Variants in SPATA12 observed in about 807,000 individuals in gnomAD.
The protein encoded by SPATA12 is spermatogenesis-associated protein 12.
For synonymous variants in SPATA12, 85 were observed against 89.2 expected (o/e 0.95, Z 0.26); for missense variants, 219 against 226.4 (o/e 0.97, Z 0.21).
At chr3:57,065,824 G>GCC (rs1560173684) in intron 1 of SPATA12, among the ~76,000 whole-genome samples, 1 of 152,072 alleles carries the variant, frequency 6.6e-6, no homozygotes, top group Non-Finnish European at 1.5e-5. Flanking sequence ...AGCACACACA[G>GCC]CCCCCTACAG....
At chr3:57,070,844 C>T (rs1705847673) in intron 1 of SPATA12, among the ~76,000 whole-genome samples, 1 of 151,710 alleles carries the variant, frequency 6.6e-6, no homozygotes, top group African/African-American at 2.4e-5. Flanking sequence ...TGGTTGCACA[C>T]ATCTGTAGTC....
At chr3:57,063,201 G>A (rs1056732055) in intron 1 of SPATA12, among the ~76,000 whole-genome samples, 2 of 152,208 alleles carry the variant, frequency 1.3e-5, no homozygotes, top group African/African-American at 4.8e-5. Context: ...TGGAGGTGAT[G>A]TGGCTAGAGT....
At chr3:57,067,989 C>CA (rs113906945) in intron 1 of SPATA12, among the ~76,000 whole-genome samples, 5,912 of 151,102 alleles carry the variant, frequency 0.039, 380 homozygotes, top group African/African-American at 0.14. Flanking sequence ...GACTCCGTCT[C>CA]AAAAAAAACA....
At chr3:57,065,838 G>A (rs901672037) in intron 1 of SPATA12, among the ~76,000 whole-genome samples, 1 of 152,112 alleles carries the variant, frequency 6.6e-6, no homozygotes, top group Non-Finnish European at 1.5e-5. Flanking sequence ...CCTACAGCTA[G>A]ATCTACGGAG....
chr3:57,074,515 C>A lies in SPATA12; in HGVS notation c.*248C>A. 1.9e-6 allele frequency: 1 copy of A among 521,786 alleles called. No homozygotes were observed. The highest frequency in any genetic ancestry group is 3.5e-6 in the Non-Finnish European group (1 of 285,722). 32.3% of individuals were successfully genotyped at this position (521,786 alleles called of 1,614,324 possible). ...AAGGTCACACAATCCAGATCTCATA[C>A]TCTTAGCCCCCGGGGAACCTTCACT... On this transcript the variant is annotated 3_prime_UTR_variant, in exon 2 of 2. Coordinates refer to ENST00000334325, the MANE Select transcript of SPATA12 (RefSeq NM_181727.2).
At position 57,074,854 on chromosome 3, in the gene SPATA12, T is replaced by C. The variant is rs1706137375; in HGVS notation, c.*587T>C. The C allele has an allele frequency of 5.9e-6, 1 of 168,132 alleles. No homozygotes were observed. The highest frequency in any genetic ancestry group is 2.4e-5 in the African/African-American group (1 of 41,432). 10.4% of individuals were successfully genotyped at this position (168,132 alleles called of 1,614,324 possible). A position where few individuals can be genotyped will look rare whatever the true frequency, so the allele number is the denominator to read the frequency against. On this transcript the variant is annotated 3_prime_UTR_variant, in exon 2 of 2. Coordinates refer to ENST00000334325, the MANE Select transcript of SPATA12 (RefSeq NM_181727.2). ...AGGTGGCAGTTTCAGAACACATTGC[T>C]CAGGTCTCACCCTGTAAATGTAGGT...
At chr3:57,067,843 A>T (rs1455246465) in intron 1 of SPATA12, among the ~76,000 whole-genome samples, 7 of 151,622 alleles carry the variant, frequency 4.6e-5, no homozygotes. Context: ...CAAAAAAATT[A>T]GCCAGGCAAA....
chr3:57,061,542 A>G (rs972765791), intron 1 of SPATA12, among the ~76,000 whole-genome samples: 16 of 152,204 alleles, frequency 1.1e-4, no homozygotes, highest in African/African-American at 3.6e-4. Flanking sequence ...TCATCTGTCA[A>G]TAGACATTTG....
chr3:57,064,480 G>A (rs556194437), intron 1 of SPATA12, among the ~76,000 whole-genome samples: 22 of 152,040 alleles, frequency 1.4e-4, no homozygotes, highest in Non-Finnish European at 2.2e-4. Flanking sequence ...ATGCCACCAC[G>A]CCCAGCAAAT....
At chr3:57,061,303 TA>T in intron 1 of SPATA12, among the ~76,000 whole-genome samples, 1 of 152,238 alleles carries the variant, frequency 6.6e-6, no homozygotes, top group Non-Finnish European at 1.5e-5. Context: ...TATTTATTAT[TA>T]TTTTTTTTTT....
chr3:57,070,971 C>T (rs75077520), intron 1 of SPATA12, among the ~76,000 whole-genome samples: 1 of 49,686 alleles, frequency 2.0e-5, no homozygotes, highest in Non-Finnish European at 4.5e-5. Context: ...GACTCTGTCA[C>T]AAAAAAAAAA....
In SPATA12 at chr3:57,065,258, T is replaced by C. The variant is rs557650130; in HGVS notation, c.-330+4472T>C. ...GGGCAGATAACTTGAGGTCAGGAGT[T>C]CGACACCAGCCTGGCCAACATGGTG... On this transcript the variant is annotated intron_variant, in intron 1 of 1. Coordinates refer to ENST00000334325, the MANE Select transcript of SPATA12 (RefSeq NM_181727.2). Among the ~76,000 whole-genome samples, 274 of 152,282 alleles carry C rather than the reference T, an allele frequency of 1.8e-3. 4 individuals are homozygous for C. The South Asian group carries it at 0.03, about 17-fold the overall frequency.
At chr3:57,069,736 C>A (rs533766326) in intron 1 of SPATA12, among the ~76,000 whole-genome samples, 2 of 152,132 alleles carry the variant, frequency 1.3e-5, no homozygotes, top group Non-Finnish European at 2.9e-5. Flanking sequence ...CGTCAAACAA[C>A]GGGGCTCAAG....
At chr3:57,071,800 A>C (rs1240700998) in intron 1 of SPATA12, among the ~76,000 whole-genome samples, 1 of 152,218 alleles carries the variant, frequency 6.6e-6, no homozygotes, top group East Asian at 1.9e-4. Context: ...AAAACCTGGC[A>C]CTTCAAAGAA....
Position 57,074,483 on chromosome 3 carries a change from C to G in SPATA12, c.*216C>G, listed in dbSNP as rs1224555689. Reference sequence around the variant, plus strand: ...ATCAAGATTCAGAAAGGTTAAGTTACTGGCACAAGGTCACACAATCCAGAT... The same window carrying G: ...ATCAAGATTCAGAAAGGTTAAGTTAGTGGCACAAGGTCACACAATCCAGAT... On this transcript the variant is annotated 3_prime_UTR_variant, in exon 2 of 2. Coordinates refer to ENST00000334325, the MANE Select transcript of SPATA12 (RefSeq NM_181727.2). 1 of 588,476 alleles carries G rather than the reference C, an allele frequency of 1.7e-6. No individual in the cohort carries two copies. The highest frequency in any genetic ancestry group is 2.2e-5 in the South Asian group (1 of 46,078). The allele number at this position is 588,476 out of a possible 1,614,324, so 36.5% of individuals were successfully genotyped here.
chr3:57,074,395 CT>C lies in SPATA12; in HGVS notation c.*130del. 1.3e-6 allele frequency: 1 copy of C among 763,736 alleles called. No individual in the cohort carries two copies. Among genetic ancestry groups the C allele is most frequent in the Non-Finnish European group, 2.2e-6 (1 of 456,890 alleles). The allele number at this position is 763,736 out of a possible 1,614,324, so 47.3% of individuals were successfully genotyped here. ...TCGTAGCCATCCCTTTCTGCATCTT[CT>C]TAGATATCACTTTTTCCAAGAAGCC... On this transcript the variant is annotated 3_prime_UTR_variant, in exon 2 of 2. Transcript: ENST00000334325.
chr3:57,073,900 A>G lies in SPATA12; in HGVS notation c.206A>G (p.Glu69Gly). 6.2e-7 allele frequency: 1 copy of G among 1,614,200 alleles called. No individual in the cohort carries two copies. Among genetic ancestry groups the G allele is most frequent in the Non-Finnish European group, 8.5e-7 (1 of 1,180,036 alleles). Reference protein sequence around the residue: ...VLPGAASALPELTFQGDVCQS... With the variant: ...VLPGAASALPGLTFQGDVCQS... ...CCAGGAGCAGCCTCTGCCCTCCCAG[A>G]GCTGACATTTCAGGGGGATGTGTGC... Residue 69 changes from glutamate to glycine, a missense_variant, in exon 2 of 2, where the codon GAG (glutamate) becomes GGG (glycine). Physicochemically the swap from Glu to Gly is moderately conservative, Grantham distance 98. Coordinates refer to ENST00000334325, the MANE Select transcript of SPATA12 (RefSeq NM_181727.2).
At position 57,074,290 on chromosome 3, in the gene SPATA12, T is replaced by C; in HGVS notation, c.*23T>C. ...TAATCAATAATAATCCTGCAACATCTGAGAGTCTGGCAGCTGTTTGTCTGG... is the reference window on the plus strand; with the variant it reads ...TAATCAATAATAATCCTGCAACATCCGAGAGTCTGGCAGCTGTTTGTCTGG... On this transcript the variant is annotated 3_prime_UTR_variant, in exon 2 of 2. Coordinates refer to ENST00000334325, the MANE Select transcript of SPATA12 (RefSeq NM_181727.2). 1 of 1,589,822 alleles carries C rather than the reference T, an allele frequency of 6.3e-7. No homozygotes were observed. Among genetic ancestry groups the C allele is most frequent in the Non-Finnish European group, 8.6e-7 (1 of 1,163,416 alleles).
chr3:57,069,992 C>G (rs916679349), intron 1 of SPATA12, among the ~76,000 whole-genome samples: 1 of 152,110 alleles, frequency 6.6e-6, no homozygotes, highest in African/African-American at 2.4e-5. Flanking sequence ...TATTTTTATT[C>G]CATTCTTCAA....
Sources: allele counts gnomAD v4.1 joint callset (sites outside exome capture counted in the v4.1 genomes callset), GRCh38; gene constraint gnomAD v4.1.1; transcripts MANE v1.5; gene names NCBI Gene and HGNC (gene_info 2026-07-23, HGNC 2026-07-21).